Variants in VPS4B observed in about 807,000 individuals in gnomAD.
VPS4B encodes the protein vacuolar protein sorting 4 homolog B, also known as vacuolar protein sorting-associated protein 4B.
Under a neutral mutation model 56.1 loss-of-function variants are expected in VPS4B, and 23 were observed. The observed-to-expected ratio is 0.41, with a 90% CI of 0.30 to 0.58. The LOEUF is 0.58. Among genes scored for constraint, VPS4B ranks in the 20% least tolerant of loss-of-function variants. The pLI is 0.29. For synonymous variants in VPS4B, 177 were observed against 186.0 expected, an observed-to-expected ratio of 0.95 and a Z score of 0.39; for missense variants, 372 against 531.9, an observed-to-expected ratio of 0.70 and a Z score of 2.96.
intron 1 of VPS4B, among the ~76,000 whole-genome samples, chr18:63,421,875 A>C (rs1916309788): frequency 6.6e-6 from 1 of 152,172 alleles, no homozygotes. Flanking sequence ...CCGAACTATG[A>C]CCACCCTATC....
chr18:63,391,472 G>A (rs1342998369), intron 10 of VPS4B, among the ~76,000 whole-genome samples: 1 of 152,140 alleles, frequency 6.6e-6, no homozygotes, highest in South Asian at 2.1e-4. Flanking sequence ...CAGGTGATCC[G>A]CCTGCCTCTG....
At chr18:63,402,228 T>C (rs1224736980) in intron 5 of VPS4B, among the ~76,000 whole-genome samples, 1 of 152,042 alleles carries the variant, frequency 6.6e-6, no homozygotes, top group African/African-American at 2.4e-5. Flanking sequence ...TTTTAGGTGG[T>C]ATATACTTTA....
chr18:63,392,579 G>A (rs1915574290), intron 10 of VPS4B, among the ~76,000 whole-genome samples: 1 of 151,624 alleles, frequency 6.6e-6, no homozygotes, highest in Non-Finnish European at 1.5e-5. Flanking sequence ...CTCCCAAGTA[G>A]CTGGGACTAC....
chr18:63,405,446 T>G (rs1915896089), intron 4 of VPS4B, among the ~76,000 whole-genome samples: 1 of 152,082 alleles, frequency 6.6e-6, no homozygotes, highest in South Asian at 2.1e-4. Flanking sequence ...TACAATAGTA[T>G]GAAATCCAGC....
Position 63,391,096 on chromosome 18 carries a change from G to A in VPS4B, c.1234-20C>T. 1.3e-6 allele frequency: 2 copies of A among 1,503,562 alleles called. No homozygotes were observed. Among genetic ancestry groups the A allele is most frequent in the Non-Finnish European group, 1.8e-6 (2 of 1,081,156 alleles). The allele number at this position is 1,503,562 out of a possible 1,614,324, so 93.1% of individuals were successfully genotyped here. A position where few individuals can be genotyped will look rare whatever the true frequency, so the allele number is the denominator to read the frequency against. On this transcript the variant is annotated intron_variant, in intron 10 of 10. Coordinates refer to ENST00000238497, the MANE Select transcript of VPS4B (RefSeq NM_004869.4). ...ATCCGACTGTCAGGGAAAAAGAAGG[G>A]TAGGGAGGATATTAATAATAGAGTT...
chr18:63,410,066 C>G (rs1599363560), intron 3 of VPS4B, among the ~76,000 whole-genome samples: 1 of 152,270 alleles, frequency 6.6e-6, no homozygotes, highest in East Asian at 1.9e-4. Flanking sequence ...ATACGGTCTC[C>G]ACACAACCAC....
chr18:63,416,983 C>G (rs1916180976), intron 1 of VPS4B, among the ~76,000 whole-genome samples: 1 of 152,208 alleles, frequency 6.6e-6, no homozygotes, highest in South Asian at 2.1e-4. Flanking sequence ...TGCTCACCCA[C>G]TGGCTGTCTC....
intron 10 of VPS4B, among the ~76,000 whole-genome samples, chr18:63,392,352 AACT>A (rs1915568199): frequency 6.6e-6 from 1 of 152,262 alleles, no homozygotes; most frequent in Non-Finnish European, 1.5e-5. Flanking sequence ...ATAAAAATAG[AACT>A]ACAATATTTA....
chr18:63,411,409 GAA>G, intron 2 of VPS4B, 56 bp downstream of exon 2: 1 of 1,231,420 alleles, frequency 8.1e-7, no homozygotes, highest in Non-Finnish European at 1.1e-6. Context: ...TTTTAGAAAT[GAA>G]ACAGAATAAA....
At chr18:63,406,228 G>A (rs1297542427) in intron 4 of VPS4B, among the ~76,000 whole-genome samples, 1 of 152,196 alleles carries the variant, frequency 6.6e-6, no homozygotes, top group South Asian at 2.1e-4. Context: ...ACACCACTAC[G>A]CTTGAGTGTA....
chr18:63,421,539 C>T (rs1236503357), intron 1 of VPS4B, among the ~76,000 whole-genome samples: 1 of 152,206 alleles, frequency 6.6e-6, no homozygotes, highest in Non-Finnish European at 1.5e-5. Context: ...GACACCATTA[C>T]ATTAAGAAAT....
intron 1 of VPS4B, among the ~76,000 whole-genome samples, chr18:63,417,577 TTC>T (rs149157047): frequency 1.3e-5 from 2 of 152,138 alleles, no homozygotes; most frequent in African/African-American, 2.4e-5. Context: ...TGGGACTCAT[TTC>T]TCTCTGTTTC....
intron 3 of VPS4B, among the ~76,000 whole-genome samples, chr18:63,409,396 C>T (rs139779151): frequency 6.6e-6 from 1 of 152,306 alleles, no homozygotes; most frequent in Non-Finnish European, 1.5e-5. Context: ...ATAACCTGCG[C>T]CACTGCATAC....
chr18:63,402,576 T>TA (rs1014048361), intron 5 of VPS4B, among the ~76,000 whole-genome samples: 4 of 152,138 alleles, frequency 2.6e-5, no homozygotes, highest in Non-Finnish European at 5.9e-5. Flanking sequence ...AATGTTGTTC[T>TA]AAAAAATAAG....
At chr18:63,399,445 T>C in intron 7 of VPS4B, 122 bp from the exon 8 acceptor site, 1 of 807,382 alleles carries the variant, frequency 1.2e-6, no homozygotes. Flanking sequence ...TGAGAGTCTG[T>C]CTTTGGAAAA....
chr18:63,408,888 G>A (rs1915973611), intron 3 of VPS4B, among the ~76,000 whole-genome samples: 2 of 152,190 alleles, frequency 1.3e-5, no homozygotes, highest in Non-Finnish European at 2.9e-5. Flanking sequence ...GGGTTTTCAA[G>A]CAAGAGAGAA....
At chr18:63,407,338 A>T in intron 4 of VPS4B, 94 bp downstream of exon 4, 1 of 1,101,334 alleles carries the variant, frequency 9.1e-7, no homozygotes, top group Non-Finnish European at 1.3e-6. Context: ...AACTTCATTT[A>T]AATATAGAGG....
At chr18:63,419,352 G>A (rs558061580) in intron 1 of VPS4B, among the ~76,000 whole-genome samples, 63 of 152,136 alleles carry the variant, frequency 4.1e-4, no homozygotes, top group African/African-American at 1.5e-3. Flanking sequence ...GGGAGATGGA[G>A]GTTACCATAA....
Position 63,390,553 on chromosome 18 carries a change from T to C in VPS4B, c.*422A>G, listed in dbSNP as rs1207749828. 1 of 153,038 alleles carries C rather than the reference T, an allele frequency of 6.5e-6. No individual in the cohort carries two copies. The highest frequency in any genetic ancestry group is 1.9e-4 in the East Asian group (1 of 5,218). The allele number at this position is 153,038 out of a possible 1,614,324, so 9.5% of individuals were successfully genotyped here. ...TATCATTTGTAATTTTTTAATAACG[T>C]AAATTTTACATTGATAAGAATGATG... On this transcript the variant is annotated 3_prime_UTR_variant, in exon 11 of 11. Transcript: ENST00000238497.
Sources: gnomAD v4.1 joint callset for allele counts (sites outside exome capture counted in the v4.1 genomes callset) on GRCh38, gnomAD v4.1.1 for gene constraint, MANE v1.5 for transcripts, NCBI Gene and HGNC (gene_info 2026-07-23, HGNC 2026-07-21) for gene names.